IGDCC3: variants seen among roughly 807,000 people sequenced by gnomAD.
IGDCC3 encodes putative neuronal cell adhesion molecule.
In IGDCC3, 47 loss-of-function variants were observed where a neutral mutation model predicts 72.0. The ratio of observed to expected loss-of-function variants is 0.65; its 90% CI spans 0.52 to 0.83. The LOEUF is 0.83. Among genes scored for constraint, IGDCC3 ranks in the 40% least tolerant of loss-of-function variants. The pLI is 0.00. For missense variants in IGDCC3, 1,038 were observed against 1,091.3 expected (o/e 0.95, Z 0.69); for synonymous variants, 477 against 472.8 (o/e 1.01, Z -0.11).
chr15:65,356,692 G>T (rs2091222599), intron 2 of IGDCC3, among the ~76,000 whole-genome samples: 1 of 148,834 alleles, frequency 6.7e-6, no homozygotes, highest in African/African-American at 2.5e-5. Context: ...TTAAAGGCGA[G>T]GGTTGGGGGG....
At position 65,375,393 on chromosome 15, in the gene IGDCC3, T is replaced by C. The variant is rs774310019; in HGVS notation, c.113A>G (p.His38Arg). The C allele has an allele frequency of 6.3e-6, 10 of 1,599,478 alleles. No individual in the cohort carries two copies. The East Asian group carries it at 1.8e-4, about 29-fold the overall frequency. Residue 38 changes from histidine (H) to arginine (R), a missense_variant, in exon 2 of 14, where the codon CAC (histidine) becomes CGC (arginine). Transcript: ENST00000327987. ...CACAGCAAATGCCAGTTCAGCAGAGTGGCCAAGACCTGCATTGGGGAAGGG... is the reference window on the plus strand; with the variant it reads ...CACAGCAAATGCCAGTTCAGCAGAGCGGCCAAGACCTGCATTGGGGAAGGG... ...LLPAPSEGLG[H>R]SAELAFAVEP...
At chr15:65,330,472 G>T in intron 10 of IGDCC3, 75 bp from the exon 11 acceptor site, 1 of 1,572,972 alleles carries the variant, frequency 6.4e-7, no homozygotes, top group South Asian at 1.1e-5. Context: ...AAAGGGAGGT[G>T]ACCCCTGTAC....
At chr15:65,334,997 T>C in intron 4 of IGDCC3, 132 bp from the exon 5 acceptor site, 1 of 1,106,252 alleles carries the variant, frequency 9.0e-7, no homozygotes, top group Non-Finnish European at 1.3e-6. Context: ...GGCAGAGAGA[T>C]ACCAGGAGAC....
At position 65,370,525 on chromosome 15, in the gene IGDCC3, T is replaced by A. The variant is rs1391644267; in HGVS notation, c.409+4572A>T. Among the ~76,000 whole-genome samples, 116 of 142,146 alleles carry A rather than the reference T, an allele frequency of 8.2e-4. 1 individual carries two copies. Among genetic ancestry groups the A allele is most frequent in the African/African-American group, 1.8e-3 (69 of 38,762 alleles). 93.3% of individuals were successfully genotyped at this position (142,146 alleles called of 152,430 possible). On this transcript the variant is annotated intron_variant, in intron 2 of 13. Transcript: ENST00000327987. ...TGGTCTCAAAAAAAAAATATATATA[T>A]ATATATATATATTTATATATATATG...
rs541228463 is a variant in IGDCC3 at position 65,335,150 on chromosome 15, G to T, written c.685+141C>A. 1.0e-3 allele frequency: 958 copies of T among 947,362 alleles called. 14 individuals carry two copies. The South Asian group carries it at 0.015, about 15-fold the overall frequency. The allele number at this position is 947,362 out of a possible 1,614,324, so 58.7% of individuals were successfully genotyped here. ...GCCTTAGATTCCTGTGCACCCTCAC[G>T]CCAGGCAGCACAGAGCCCGGCACTC... On this transcript the variant is annotated intron_variant, in intron 4 of 13. Coordinates refer to ENST00000327987, the MANE Select transcript of IGDCC3 (RefSeq NM_004884.4).
intron 2 of IGDCC3, among the ~76,000 whole-genome samples, chr15:65,349,080 C>G (rs999196980): frequency 6.6e-6 from 1 of 152,194 alleles, no homozygotes; most frequent in African/African-American, 2.4e-5. Flanking sequence ...CTTATCTTTT[C>G]TATTACTCAG....
chr15:65,341,296 C>A (rs1038406883), intron 2 of IGDCC3, among the ~76,000 whole-genome samples: 1 of 152,058 alleles, frequency 6.6e-6, no homozygotes, highest in Non-Finnish European at 1.5e-5. Flanking sequence ...AAAACGGTGC[C>A]GCTGCTGTGG....
At position 65,329,798 on chromosome 15, in the gene IGDCC3, A is replaced by C; in HGVS notation, c.1925T>G (p.Val642Gly). Residue 642 changes from valine (V) to glycine (G), a missense_variant, in exon 12 of 14, where the codon GTC becomes GGC. Transcript: ENST00000327987. This position sits in a 1 kb window ranked among gnomAD's most constrained non-coding sequence, Gnocchi z 4.1. ...AANQTSTTGI[V>G]IGIHIGVTCI... is the part of the protein sequence containing the mutation. The stretch of plus-strand genomic sequence containing the variant: ...AGTGACCCCGATGTGGATGCCGATG[A>C]CGATGCCTGTGGTGGACGTCTGGTT... 1.2e-6 allele frequency: 2 copies of C among 1,614,114 alleles called. No homozygotes were observed. The highest frequency in any genetic ancestry group is 1.7e-6 in the Non-Finnish European group (2 of 1,180,008).
chr15:65,367,580 A>G (rs1047835367), intron 2 of IGDCC3, among the ~76,000 whole-genome samples: 1 of 152,108 alleles, frequency 6.6e-6, no homozygotes, highest in Non-Finnish European at 1.5e-5. Context: ...AGACTCCTGG[A>G]GGGGCTACGG....
In IGDCC3 at chr15:65,377,757, C is replaced by T. The variant is rs2091368882; in HGVS notation, c.32G>A (p.Arg11His). The part of the protein sequence containing the change: MAVQRAASPR[R>H]PPAPLWPRLL... Reference sequence around the variant, plus strand: ...CCGGGGCCAGAGCGGGGCGGGCGGGCGGCGCGGAGACGCGGCGCGCTGCAC... The same window carrying T: ...CCGGGGCCAGAGCGGGGCGGGCGGGTGGCGCGGAGACGCGGCGCGCTGCAC... The change falls in exon 1 of 14, where the codon CGC becomes CAC. Residue 11 changes from arginine to histidine, a missense_variant. By Grantham distance (29) the Arg-to-His change is conservative. Transcript: ENST00000327987. This position sits in a 1 kb window ranked among gnomAD's most constrained non-coding sequence, Gnocchi z 4.9. The T allele has an allele frequency of 3.1e-6, 4 of 1,308,864 alleles. No homozygotes were observed. The highest frequency in any genetic ancestry group is 2.2e-5 in the South Asian group (1 of 45,966). 81.1% of individuals were successfully genotyped at this position (1,308,864 alleles called of 1,614,324 possible).
At chr15:65,335,735 G>T in intron 3 of IGDCC3, 77 bp downstream of exon 3, 1 of 1,545,162 alleles carries the variant, frequency 6.5e-7, no homozygotes, top group Non-Finnish European at 8.9e-7. Context: ...TCCCAGAGCC[G>T]CGGGCCATCC....
chr15:65,335,565 G>T (rs1047075676), intron 3 of IGDCC3, 144 bp from the exon 4 acceptor site: 1 of 953,844 alleles, frequency 1.0e-6, no homozygotes, highest in East Asian at 2.4e-5. Context: ...ACTTTCAAAG[G>T]TGGACACACC....
At chr15:65,341,364 A>G (rs1489442506) in intron 2 of IGDCC3, among the ~76,000 whole-genome samples, 1 of 152,244 alleles carries the variant, frequency 6.6e-6, no homozygotes, top group Non-Finnish European at 1.5e-5. Context: ...TGATCCAGCA[A>G]TCCCACTTCT....
chr15:65,374,764 A>C (rs1213155054), intron 2 of IGDCC3, among the ~76,000 whole-genome samples: 1 of 152,204 alleles, frequency 6.6e-6, no homozygotes, highest in Non-Finnish European at 1.5e-5. Flanking sequence ...ATACACAAGA[A>C]TCAAACTCAG....
chr15:65,347,981 CA>C, intron 2 of IGDCC3, among the ~76,000 whole-genome samples: 1 of 152,030 alleles, frequency 6.6e-6, no homozygotes, highest in African/African-American at 2.4e-5. Flanking sequence ...AACAAACAAA[CA>C]AAAAACAGGT....
chr15:65,359,617 A>G (rs1287369650), intron 2 of IGDCC3, among the ~76,000 whole-genome samples: 3 of 152,186 alleles, frequency 2.0e-5, no homozygotes, highest in Non-Finnish European at 4.4e-5. Flanking sequence ...ATCCTCTCCC[A>G]AGTGGCCAAT....
chr15:65,344,204 C>T (rs1459760074), intron 2 of IGDCC3, among the ~76,000 whole-genome samples: 1 of 152,160 alleles, frequency 6.6e-6, no homozygotes, highest in Admixed American at 6.5e-5. Flanking sequence ...AGATGGGTGT[C>T]TGGCATTTAC....
chr15:65,355,215 G>T (rs2140159248), intron 2 of IGDCC3, among the ~76,000 whole-genome samples: 1 of 152,310 alleles, frequency 6.6e-6, no homozygotes, highest in South Asian at 2.1e-4. Flanking sequence ...CAGCTGGCGG[G>T]CGGGGTCAGG....
intron 1 of IGDCC3, among the ~76,000 whole-genome samples, chr15:65,376,884 C>A (rs1400373325): frequency 2.0e-5 from 3 of 152,110 alleles, no homozygotes; most frequent in Non-Finnish European, 4.4e-5. Flanking sequence ...ACTCTCCTCC[C>A]GGGAGATGGG....
Sources: allele counts gnomAD v4.1 joint callset (sites outside exome capture counted in the v4.1 genomes callset), GRCh38; gene constraint gnomAD v4.1.1; non-coding constraint Gnocchi (gnomAD v3.1); transcripts MANE v1.5; gene names NCBI Gene and HGNC (gene_info 2026-07-23, HGNC 2026-07-21).